ZNF536: variants seen among roughly 807,000 people sequenced by gnomAD.
ZNF536 encodes zinc finger protein 536.
In ZNF536, 13 loss-of-function variants were observed where a neutral mutation model predicts 84.5. That is an observed-to-expected ratio of 0.15 (90% CI 0.10 to 0.24). ZNF536 has a LOEUF of 0.24. Ranked by LOEUF, ZNF536 falls within the 10% of genes least tolerant of loss-of-function variation. ZNF536 has a pLI of 1.00. For synonymous variants in ZNF536, 811 were observed against 742.5 expected, an observed-to-expected ratio of 1.09 and a Z score of -1.50; for missense variants, 1,536 against 1,747.5, an observed-to-expected ratio of 0.88 and a Z score of 2.16.
chr19:30,477,228 C>A (rs6417171), intron 2 of ZNF536, among the ~76,000 whole-genome samples: 1 of 152,084 alleles, frequency 6.6e-6, no homozygotes, highest in South Asian at 2.1e-4. Flanking sequence ...ATTTGGTATT[C>A]TTTTATTTCC....
At chr19:30,712,853 A>G (rs2052492321) in exon 2 of ZNF536, 1 of 151,860 alleles carries the variant, frequency 6.6e-6, no homozygotes. Flanking sequence ...TGACTGCACT[A>G]CTGTGTTTGG....
chr19:30,548,148 G>A lies in ZNF536; in HGVS notation c.2529G>A (p.Lys843=), dbSNP rs2146186190. 1 of 1,614,050 alleles carries A rather than the reference G, an allele frequency of 6.2e-7. No individual in the cohort carries two copies. The highest frequency in any genetic ancestry group is 8.5e-7 in the Non-Finnish European group (1 of 1,179,956). ...IRPDILRGAF[K]GLPGIDFRGG... Reference sequence around the variant, plus strand: ...CAGACATCCTGAGGGGGGCCTTCAAGGGTCTCCCTGGAATCGACTTCAGAG... The same window carrying A: ...CAGACATCCTGAGGGGGGCCTTCAAAGGTCTCCCTGGAATCGACTTCAGAG... Residue 843 remains lysine (K), a synonymous_variant, in exon 4 of 5, where the codon AAG becomes AAA. Transcript: ENST00000355537.
chr19:30,227,054 C>T (rs539316993), upstream of ZNF536, among the ~76,000 whole-genome samples: 12 of 151,150 alleles, frequency 7.9e-5, no homozygotes, highest in South Asian at 2.3e-3. Context: ...CAGATCTCGA[C>T]GCGCCCATCT....
intron 1 of ZNF536, among the ~76,000 whole-genome samples, chr19:30,702,470 C>G (rs993561179): frequency 1.3e-5 from 2 of 152,190 alleles, no homozygotes; most frequent in African/African-American, 4.8e-5. Context: ...GTTGGGGGGG[C>G]CCCCATCTGG....
intron 1 of ZNF536, among the ~76,000 whole-genome samples, chr19:30,229,577 G>GGGGC (rs2022872471): frequency 6.6e-6 from 1 of 152,066 alleles, no homozygotes; most frequent in South Asian, 2.1e-4. Context: ...GTGGTGGGGG[G>GGGGC]GGCTCAGCTT....
At chr19:30,559,020 G>A (rs141660843), downstream of ZNF536, among the ~76,000 whole-genome samples, 6 of 152,242 alleles carry the variant, frequency 3.9e-5, no homozygotes, top group South Asian at 2.1e-4. Flanking sequence ...CATTTCTTCC[G>A]GTATTTCTCA....
intron 1 of ZNF536, among the ~76,000 whole-genome samples, chr19:30,249,167 A>T (rs1028656985): frequency 3.9e-5 from 6 of 152,194 alleles, no homozygotes; most frequent in African/African-American, 1.4e-4. Context: ...AAAGAAGGTG[A>T]TCTGTATGGA....
At position 30,431,992 on chromosome 19, in the gene ZNF536, C is replaced by CAT. The variant is rs561025363; in HGVS notation, c.-2-11555_-2-11554dup. ...TTAAAGATATACCATTCATTAAAAG[C>CAT]ATATATATATATATACACACACACA... is the stretch of plus-strand genomic sequence containing the variant. On this transcript the variant is annotated intron_variant, in intron 1 of 4. Transcript: ENST00000355537. Among the ~76,000 whole-genome samples the CAT allele has an allele frequency of 5.5e-3, 800 of 144,592 alleles. 17 individuals carry two copies. Among genetic ancestry groups the CAT allele is most frequent in the African/African-American group, 0.017 (651 of 38,834 alleles). 94.9% of individuals were successfully genotyped at this position (144,592 alleles called of 152,430 possible). A position where few individuals can be genotyped will look rare whatever the true frequency, so the allele number is the denominator to read the frequency against.
rs547496474 is a variant in ZNF536 at position 30,290,160 on chromosome 19, C to T, written c.-120+6019C>T. On this transcript the variant is annotated intron_variant, in intron 2 of 5. Coordinates refer to the ZNF536 transcript ENST00000585628. ...TTATGACTGGCTTATTTTGTTTAGT[C>T]GAATGTCCTCAAGGTTCATCCATAT... Among the ~76,000 whole-genome samples, 201 of 152,282 alleles carry T rather than the reference C, an allele frequency of 1.3e-3. 1 individual carries two copies. The highest frequency in any genetic ancestry group is 2.3e-3 in the Non-Finnish European group (154 of 68,026).
At chr19:30,390,582 T>G (rs1335401426) in intron 1 of ZNF536, among the ~76,000 whole-genome samples, 1 of 152,206 alleles carries the variant, frequency 6.6e-6, no homozygotes, top group African/African-American at 2.4e-5. Context: ...AAATCCCACA[T>G]TCTGCCGGAG....
intron 1 of ZNF536, among the ~76,000 whole-genome samples, chr19:30,691,495 G>A (rs1279574860): frequency 6.6e-6 from 1 of 151,958 alleles, no homozygotes; most frequent in African/African-American, 2.4e-5. Context: ...CCCAGACTCC[G>A]CTCCGTTTCA....
chr19:30,231,810 G>T (rs549022120), intron 1 of ZNF536, among the ~76,000 whole-genome samples: 73 of 152,262 alleles, frequency 4.8e-4, no homozygotes, highest in Non-Finnish European at 8.8e-4. Flanking sequence ...TGATGTGTGT[G>T]TGTGTGTGTG....
intron 1 of ZNF536, among the ~76,000 whole-genome samples, chr19:30,697,578 G>A (rs548030061): frequency 1.1e-4 from 17 of 152,206 alleles, no homozygotes; most frequent in African/African-American, 3.9e-4. Context: ...CCATTTTACC[G>A]ATGAGAAAAC....
chr19:30,609,777 T>TCCAC (rs2048026305), intron 1 of ZNF536, among the ~76,000 whole-genome samples: 1 of 149,298 alleles, frequency 6.7e-6, no homozygotes, highest in South Asian at 2.2e-4. Flanking sequence ...CATCTACCCA[T>TCCAC]CCATCCATCC....
chr19:30,702,346 G>A (rs765131807), intron 1 of ZNF536, among the ~76,000 whole-genome samples: 11 of 152,098 alleles, frequency 7.2e-5, no homozygotes, highest in Non-Finnish European at 1.5e-4. Flanking sequence ...GCTCTACGGC[G>A]CAGCGACAAT....
At chr19:30,670,275 C>T (rs2050495238) in intron 1 of ZNF536, among the ~76,000 whole-genome samples, 1 of 152,190 alleles carries the variant, frequency 6.6e-6, no homozygotes, top group African/African-American at 2.4e-5. Flanking sequence ...TTCTCATTCG[C>T]TTAGTGCACT....
rs755478020 is a variant in ZNF536, at chr19:30,548,614, G to A, written c.2995G>A (p.Ala999Thr). The change falls in exon 4 of 5, where the codon GCA (alanine) becomes ACA (threonine). Residue 999 changes from alanine (A) to threonine (T), a missense_variant. Ala to Thr is a moderately conservative substitution (Grantham distance 58). Transcript: ENST00000355537. ...GSSVTVQDSIAWHGCLFCAFT... is the reference protein window; with the variant it reads ...GSSVTVQDSITWHGCLFCAFT... ...CTCGGTAACTGTGCAGGACAGCATT[G>A]CATGGCACGGCTGCTTGTTTTGTGC... is the stretch of plus-strand genomic sequence containing the variant. 6.2e-7 allele frequency: 1 copy of A among 1,614,124 alleles called. No homozygotes were observed. The highest frequency in any genetic ancestry group is 2.2e-5 in the East Asian group (1 of 44,852).
chr19:30,371,936 A>C (rs2048625946), upstream of ZNF536, among the ~76,000 whole-genome samples: 1 of 152,096 alleles, frequency 6.6e-6, no homozygotes, highest in Non-Finnish European at 1.5e-5. Flanking sequence ...ATGAAACTAG[A>C]ATCCGCTGCT....
At chr19:30,263,496 A>G (rs1189024999) in intron 1 of ZNF536, among the ~76,000 whole-genome samples, 2 of 152,170 alleles carry the variant, frequency 1.3e-5, no homozygotes, top group East Asian at 3.8e-4. Flanking sequence ...GATGGAAATG[A>G]AAGATAACGG....
Sources: allele counts gnomAD v4.1 joint callset (sites outside exome capture counted in the v4.1 genomes callset), GRCh38; gene constraint gnomAD v4.1.1; transcripts MANE v1.5; gene names NCBI Gene and HGNC (gene_info 2026-07-23, HGNC 2026-07-21).